The following PLEKHA7 variants were observed in gnomAD, a reference collection of about 807,000 sequenced individuals.
The protein encoded by PLEKHA7 is pleckstrin homology domain containing A7.
In PLEKHA7, 104 loss-of-function variants were observed where a neutral mutation model predicts 170.0. That is an observed-to-expected ratio of 0.61 (90% CI 0.52 to 0.72). PLEKHA7 has a LOEUF of 0.72. Ranked by LOEUF, PLEKHA7 falls within the 30% of genes least tolerant of loss-of-function variation. The probability of loss-of-function intolerance (pLI) is 0.00; values close to 1 mark genes in which losing one functional copy is unlikely to be tolerated. For synonymous variants in PLEKHA7, 648 were observed against 660.8 expected, an observed-to-expected ratio of 0.98 and a Z score of 0.30; for missense variants, 1,615 against 1,671.7, an observed-to-expected ratio of 0.97 and a Z score of 0.59.
At chr11:17,011,018 G>A (rs1865292920) in intron 3 of PLEKHA7, among the ~76,000 whole-genome samples, 1 of 152,306 alleles carries the variant, frequency 6.6e-6, no homozygotes, top group African/African-American at 2.4e-5. Flanking sequence ...CTAGGCCTGG[G>A]AGGAGTCAGC....
intron 3 of PLEKHA7, among the ~76,000 whole-genome samples, chr11:16,926,869 C>T (rs1039720563): frequency 1.3e-5 from 2 of 152,292 alleles, no homozygotes; most frequent in Admixed American, 1.3e-4. Context: ...CTCATCTCTC[C>T]CTGATCCATG....
chr11:16,783,731 C>A lies in PLEKHA7; in HGVS notation c.3619G>T (p.Glu1207Ter). ...EELQARYRKA[E>*]KIRNILARSS... is the part of the protein sequence containing the mutation. ...CGGGCGAGGATGTTGCGGATCTTCT[C>A]GGCTTTGCGGTACCGCGCCTGCAGC... The change falls in exon 25 of 27, where the codon GAG (glutamate) becomes TAG (stop). Residue 1207 changes from glutamate (E) to a stop codon, truncating the protein, a stop_gained. Transcript: ENST00000531066. LOFTEE classifies it high-confidence loss of function. 1 of 1,490,204 alleles carries A rather than the reference C, an allele frequency of 6.7e-7. No individual in the cohort carries two copies. The highest frequency in any genetic ancestry group is 8.9e-7 in the Non-Finnish European group (1 of 1,124,858). 92.3% of individuals were successfully genotyped at this position (1,490,204 alleles called of 1,614,324 possible).
rs1849215106 is a variant in PLEKHA7 at position 16,783,743 on chromosome 11, A to G, written c.3607T>C (p.Tyr1203His). 4 of 1,505,156 alleles carry G rather than the reference A, an allele frequency of 2.7e-6. No individual in the cohort carries two copies. The highest frequency in any genetic ancestry group is 3.5e-6 in the Non-Finnish European group (4 of 1,131,898). 93.2% of individuals were successfully genotyped at this position (1,505,156 alleles called of 1,614,324 possible). A position where few individuals can be genotyped will look rare whatever the true frequency, so the allele number is the denominator to read the frequency against. The part of the protein sequence containing the change: ...PPSLEELQAR[Y>H]RKAEKIRNIL... ...TTGCGGATCTTCTCGGCTTTGCGGT[A>G]CCGCGCCTGCAGCTCCTCAAGGCTG... The change falls in exon 25 of 27, where the codon TAC (tyrosine) becomes CAC (histidine). Residue 1203 changes from tyrosine to histidine, a missense_variant. Coordinates refer to ENST00000531066, the MANE Select transcript of PLEKHA7 (RefSeq NM_001329630.2).
chr11:16,788,787 C>T (rs1370245540), intron 23 of PLEKHA7: 2 of 473,900 alleles, frequency 4.2e-6, no homozygotes, highest in Non-Finnish European at 7.7e-6. Flanking sequence ...ATTCCCAGGT[C>T]CTGAATTCAG....
At chr11:16,870,046 C>T (rs759894319) in intron 4 of PLEKHA7, among the ~76,000 whole-genome samples, 2 of 152,162 alleles carry the variant, frequency 1.3e-5, no homozygotes, top group Non-Finnish European at 2.9e-5. Context: ...TGGGAAAACA[C>T]ATCCTGCTTG....
chr11:17,013,882 C>A, intron 3 of PLEKHA7, 107 bp downstream of exon 3: 2 of 1,271,772 alleles, frequency 1.6e-6, no homozygotes, highest in Non-Finnish European at 1.0e-6. Context: ...CGCGCGCCAA[C>A]GAGCCCGGGC....
intron 3 of PLEKHA7, among the ~76,000 whole-genome samples, chr11:16,897,249 G>A (rs10766356): frequency 0.45 from 67,905 of 151,898 alleles, 15,790 homozygotes; most frequent in Non-Finnish European, 0.52. Flanking sequence ...GTTCTTTGTC[G>A]TAATACCACT....
At chr11:17,001,269 C>T (rs1314101202) in intron 3 of PLEKHA7, among the ~76,000 whole-genome samples, 1 of 152,302 alleles carries the variant, frequency 6.6e-6, no homozygotes. Flanking sequence ...CATAGAGTAG[C>T]TGCTTAATTG....
rs550484280 is a variant in PLEKHA7 at position 16,802,837 on chromosome 11, CACCTGG to C, written c.2157+129_2157+134del. ...CTGAGATTACAGGCATGAGCCACCGCACCTGGTGCATTTTTTTTTAAATAAGCTAAC... is the reference window on the plus strand; with the variant it reads ...CTGAGATTACAGGCATGAGCCACCGCTGCATTTTTTTTTAAATAAGCTAAC... On this transcript the variant is annotated intron_variant, in intron 15 of 26. Coordinates refer to ENST00000531066, the MANE Select transcript of PLEKHA7 (RefSeq NM_001329630.2). 2.9e-4 allele frequency: 229 copies of C among 797,218 alleles called. 1 individual carries two copies. In the African/African-American group the frequency reaches 3.6e-3, roughly 12 times the overall value. The allele number at this position is 797,218 out of a possible 1,614,324, so 49.4% of individuals were successfully genotyped here.
chr11:16,794,017 G>T (rs1175445512), intron 19 of PLEKHA7, among the ~76,000 whole-genome samples: 1 of 152,200 alleles, frequency 6.6e-6, no homozygotes, highest in Non-Finnish European at 1.5e-5. Flanking sequence ...TTATTTTAAA[G>T]ATCAAAGCAT....
intron 3 of PLEKHA7, among the ~76,000 whole-genome samples, chr11:16,956,579 C>A (rs946395661): frequency 6.6e-6 from 1 of 152,198 alleles, no homozygotes; most frequent in Non-Finnish European, 1.5e-5. Context: ...CCCACGCTCA[C>A]AATGCCACAG....
intron 13 of PLEKHA7, among the ~76,000 whole-genome samples, chr11:16,805,928 T>C (rs1043690744): frequency 5.9e-5 from 9 of 152,192 alleles, no homozygotes; most frequent in Non-Finnish European, 1.3e-4. Context: ...CTGGGGGTGA[T>C]GCCCTTCAGG....
At chr11:16,955,682 A>G (rs1311295638) in intron 3 of PLEKHA7, among the ~76,000 whole-genome samples, 2 of 152,212 alleles carry the variant, frequency 1.3e-5, no homozygotes, top group Non-Finnish European at 2.9e-5. Flanking sequence ...CATGCCAAAC[A>G]TGAGCCAGCA....
intron 3 of PLEKHA7, among the ~76,000 whole-genome samples, chr11:16,981,536 C>T (rs538703109): frequency 4.8e-4 from 73 of 152,140 alleles, no homozygotes; most frequent in Non-Finnish European, 9.3e-4. Context: ...AGCCCCCTAC[C>T]CTCTCCCTTT....
chr11:17,006,881 C>A (rs1002676095), intron 3 of PLEKHA7, among the ~76,000 whole-genome samples: 1 of 152,214 alleles, frequency 6.6e-6, no homozygotes, highest in Non-Finnish European at 1.5e-5. Flanking sequence ...AAATCCCCAA[C>A]TGAACATCTG....
At chr11:16,887,352 ACGGTCTGCCTCTCCCTCTCCC>A (rs1856200784) in intron 3 of PLEKHA7, among the ~76,000 whole-genome samples, 1 of 74,980 alleles carries the variant, frequency 1.3e-5, no homozygotes, top group Non-Finnish European at 3.5e-5. Context: ...CCCTCTCCCC[ACGGTCTGCCTCTCCCTCTCCC>A]CACGGTCTGC....
chr11:16,884,832 C>T (rs1485394861), intron 3 of PLEKHA7, among the ~76,000 whole-genome samples: 2 of 152,246 alleles, frequency 1.3e-5, no homozygotes, highest in South Asian at 2.1e-4. Flanking sequence ...TCACATCTAA[C>T]ATTTCTAATT....
chr11:16,786,187 G>T, intron 24 of PLEKHA7, 42 bp downstream of exon 24: 4 of 1,530,472 alleles, frequency 2.6e-6, no homozygotes, highest in Non-Finnish European at 2.6e-6. Flanking sequence ...GAACTTGAAG[G>T]CCATGTCTCC....
At chr11:16,910,913 T>C (rs750606813) in intron 3 of PLEKHA7, among the ~76,000 whole-genome samples, 9 of 152,208 alleles carry the variant, frequency 5.9e-5, no homozygotes, top group Non-Finnish European at 1.2e-4. Context: ...CCAGCTGTAA[T>C]CTACTGTGTG....
Sources: gnomAD v4.1 joint callset for allele counts (sites outside exome capture counted in the v4.1 genomes callset) on GRCh38, gnomAD v4.1.1 for gene constraint, MANE v1.5 for transcripts, NCBI Gene and HGNC (gene_info 2026-07-23, HGNC 2026-07-21) for gene names.